Variants in PTPN21 observed in about 807,000 individuals in gnomAD.
The protein encoded by PTPN21 is tyrosine-protein phosphatase non-receptor type 21.
Under a neutral mutation model 131.8 loss-of-function variants are expected in PTPN21, and 77 were observed. The observed-to-expected ratio is 0.58, with a 90% confidence interval of 0.49 to 0.71. The LOEUF is 0.71. Ranked by LOEUF, PTPN21 falls within the 30% of genes least tolerant of loss-of-function variation. PTPN21 has a pLI of 0.00. For synonymous variants in PTPN21, 715 were observed against 621.3 expected, an observed-to-expected ratio of 1.15 and a Z score of -2.24; for missense variants, 1,552 against 1,527.1, an observed-to-expected ratio of 1.02 and a Z score of -0.27.
intron 2 of PTPN21, among the ~76,000 whole-genome samples, chr14:88,533,908 A>G (rs2078589819): frequency 6.6e-6 from 1 of 152,080 alleles, no homozygotes; most frequent in Non-Finnish European, 1.5e-5. Flanking sequence ...CAGCCTCAGG[A>G]GGTTTCCAGA....
rs767863320 is a variant in PTPN21 at position 88,496,497 on chromosome 14, C to T, written c.853-5G>A. 1 of 1,610,758 alleles carries T rather than the reference C, an allele frequency of 6.2e-7. No individual in the cohort carries two copies. Among genetic ancestry groups the T allele is most frequent in the African/African-American group, 1.3e-5 (1 of 74,852 alleles). ...TTTTGCTGTTTCCATGTCTTCCTAG[C>T]AAACAAAATAGGCATAAAGCAATAT... is the stretch of plus-strand genomic sequence containing the variant. On this transcript the variant is annotated splice_polypyrimidine_tract_variant and splice_region_variant and intron_variant, in intron 9 of 18. Coordinates refer to ENST00000556564, the MANE Select transcript of PTPN21 (RefSeq NM_007039.4).
rs779865544 is a variant in PTPN21, at chr14:88,469,781, G to A, written c.3001-48C>T. 4 of 1,602,366 alleles carry A rather than the reference G, an allele frequency of 2.5e-6. No individual in the cohort carries two copies. The South Asian group carries it at 4.4e-5, about 18-fold the overall frequency. On this transcript the variant is annotated intron_variant, in intron 16 of 18. Coordinates refer to ENST00000556564, the MANE Select transcript of PTPN21 (RefSeq NM_007039.4). This position sits in a 1 kb window ranked among gnomAD's most constrained non-coding sequence, Gnocchi z 4.3. ...AATGACTCGAGATCCGGCAATGGAT[G>A]CCTTTCTCACATAGACGGCACATCT...
At chr14:88,541,295 G>A (rs2078701789) in intron 2 of PTPN21, among the ~76,000 whole-genome samples, 1 of 152,144 alleles carries the variant, frequency 6.6e-6, no homozygotes, top group African/African-American at 2.4e-5. Context: ...TTCATTAAAA[G>A]ATAAAGGAAA....
chr14:88,498,122 A>G (rs2077951912), intron 8 of PTPN21, among the ~76,000 whole-genome samples: 2 of 151,742 alleles, frequency 1.3e-5, no homozygotes, highest in African/African-American at 4.8e-5. Context: ...AAAAATTACA[A>G]AAACTAGGCC....
At chr14:88,539,490 C>T (rs374508381) in intron 2 of PTPN21, among the ~76,000 whole-genome samples, 1 of 152,068 alleles carries the variant, frequency 6.6e-6, no homozygotes, top group African/African-American at 2.4e-5. Context: ...TCAGGTGATC[C>T]GCCCACCTTG....
chr14:88,518,255 AAT>A (rs1555388146), intron 2 of PTPN21, among the ~76,000 whole-genome samples: 590 of 18,670 alleles, frequency 0.032, 37 homozygotes, highest in African/African-American at 0.11. Context: ...AAAAAAAAAA[AAT>A]ATATATATAT....
intron 1 of PTPN21, among the ~76,000 whole-genome samples, chr14:88,553,831 T>G (rs2078894080): frequency 6.6e-6 from 1 of 152,152 alleles, no homozygotes; most frequent in Non-Finnish European, 1.5e-5. Context: ...CCACATGTAA[T>G]TTTGCCAAAG....
At chr14:88,494,414 G>A (rs1195836399) in intron 10 of PTPN21, among the ~76,000 whole-genome samples, 1 of 152,208 alleles carries the variant, frequency 6.6e-6, no homozygotes, top group African/African-American at 2.4e-5. Flanking sequence ...GCTCACACCT[G>A]TCCAGCCCTT....
intron 2 of PTPN21, among the ~76,000 whole-genome samples, chr14:88,540,839 T>G (rs2078695351): frequency 1.3e-5 from 2 of 152,076 alleles, no homozygotes; most frequent in Non-Finnish European, 2.9e-5. Flanking sequence ...ATTTTTTAAT[T>G]TTTTGTATAG....
intron 2 of PTPN21, among the ~76,000 whole-genome samples, chr14:88,523,063 C>CAT (rs1169583276): frequency 5.9e-5 from 9 of 151,558 alleles, no homozygotes; most frequent in South Asian, 4.2e-4. Context: ...GCACGAAAAT[C>CAT]AAGGAAAAGG....
chr14:88,530,167 C>A (rs2078534848), intron 2 of PTPN21, among the ~76,000 whole-genome samples: 1 of 151,470 alleles, frequency 6.6e-6, no homozygotes, highest in Admixed American at 6.6e-5. Flanking sequence ...ATTCTGTATC[C>A]AGCAAAACCA....
chr14:88,545,567 A>G (rs571095539), intron 2 of PTPN21, among the ~76,000 whole-genome samples: 1 of 152,366 alleles, frequency 6.6e-6, no homozygotes, highest in East Asian at 1.9e-4. Flanking sequence ...CTCTCTTGAA[A>G]AAATGTTTTG....
intron 12 of PTPN21, among the ~76,000 whole-genome samples, chr14:88,480,791 G>A (rs552160207): frequency 6.6e-6 from 1 of 152,132 alleles, no homozygotes; most frequent in African/African-American, 2.4e-5. Context: ...AATTTTTATT[G>A]TTCTTCCCAA....
intron 5 of PTPN21, 32 bp from the exon 6 acceptor site, chr14:88,504,527 C>T: frequency 6.6e-7 from 1 of 1,524,922 alleles, no homozygotes; most frequent in East Asian, 2.3e-5. Flanking sequence ...AAGTATGTGA[C>T]AATTCACCCC....
chr14:88,537,002 C>T (rs1032892449), intron 2 of PTPN21, among the ~76,000 whole-genome samples: 3 of 152,088 alleles, frequency 2.0e-5, no homozygotes, highest in African/African-American at 7.2e-5. Context: ...GGTCACATTG[C>T]CTCAAAGCAG....
rs774777320 is a variant in PTPN21 at position 88,467,290 on chromosome 14, A to G, written c.*847T>C. The G allele has an allele frequency of 5.9e-5, 9 of 152,228 alleles. No individual in the cohort carries two copies. Among genetic ancestry groups the G allele is most frequent in the Admixed American group, 2.6e-4 (4 of 15,280 alleles). The allele number at this position is 152,228 out of a possible 1,614,324, so 9.4% of individuals were successfully genotyped here. A position where few individuals can be genotyped will look rare whatever the true frequency, so the allele number is the denominator to read the frequency against. On this transcript the variant is annotated 3_prime_UTR_variant, in exon 19 of 19. Coordinates refer to ENST00000556564, the MANE Select transcript of PTPN21 (RefSeq NM_007039.4). ...ATTTGTTTTTAACAAAAAAGTGCTT[A>G]AAACCACCCTAGGCAATTGTTTTTC...
chr14:88,529,851 A>G (rs1249770527), intron 2 of PTPN21, among the ~76,000 whole-genome samples: 3 of 152,042 alleles, frequency 2.0e-5, no homozygotes, highest in African/African-American at 7.2e-5. Flanking sequence ...GCATGGTGGC[A>G]GGAACCTGTA....
At chr14:88,526,395 A>G (rs149377013) in intron 2 of PTPN21, among the ~76,000 whole-genome samples, 1 of 151,894 alleles carries the variant, frequency 6.6e-6, no homozygotes, top group Non-Finnish European at 1.5e-5. Context: ...TAAAAATACA[A>G]AAAACTTAGC....
At chr14:88,518,384 G>GTATATATA (rs1383018796) in intron 2 of PTPN21, among the ~76,000 whole-genome samples, 55 of 13,304 alleles carry the variant, frequency 4.1e-3, no homozygotes, top group East Asian at 0.019. Context: ...ATGTGTGTGT[G>GTATATATA]TGTATATATA....
Sources: gnomAD v4.1 joint callset for allele counts (sites outside exome capture counted in the v4.1 genomes callset) on GRCh38, gnomAD v4.1.1 for gene constraint, Gnocchi (gnomAD v3.1) non-coding constraint, MANE v1.5 for transcripts, NCBI Gene and HGNC (gene_info 2026-07-23, HGNC 2026-07-21) for gene names.